Variants in ZNF570 observed in about 807,000 individuals in gnomAD.
ZNF570 encodes zinc finger protein 570.
A neutral mutation model predicts 14.2 loss-of-function variants in ZNF570; 8 were observed. The ratio of observed to expected loss-of-function variants is 0.56; its 90% CI spans 0.33 to 1.02. The LOEUF is 1.02. Among genes scored for constraint, ZNF570 ranks in the 50% least tolerant of loss-of-function variants. The probability of loss-of-function intolerance (pLI) is 0.03; values close to 1 mark genes in which losing one functional copy is unlikely to be tolerated. For synonymous variants in ZNF570, 202 were observed against 207.6 expected (o/e 0.97, Z 0.23); for missense variants, 559 against 624.9 (o/e 0.89, Z 1.12).
intron 2 of ZNF570, among the ~76,000 whole-genome samples, chr19:37,475,061 T>A (rs1465350399): frequency 6.6e-6 from 1 of 151,846 alleles, no homozygotes; most frequent in Non-Finnish European, 1.5e-5. Flanking sequence ...CCTCCTGGGT[T>A]CAAGCGATTC....
At chr19:37,472,385 A>G (rs1019071743) in intron 2 of ZNF570, among the ~76,000 whole-genome samples, 10 of 146,420 alleles carry the variant, frequency 6.8e-5, no homozygotes, top group African/African-American at 2.5e-4. Flanking sequence ...GTCATTATTT[A>G]TAGGCGGGGG....
chr19:37,476,053 T>G, intron 3 of ZNF570, 46 bp downstream of exon 3: 1 of 1,564,580 alleles, frequency 6.4e-7, no homozygotes, highest in Non-Finnish European at 8.6e-7. Flanking sequence ...CAAAAGGGGC[T>G]CTTTGCTACC....
At position 37,484,517 on chromosome 19, in the gene ZNF570, G is replaced by C. The variant is rs776469961; in HGVS notation, c.895G>C (p.Glu299Gln). Residue 299 changes from glutamate (E) to glutamine (Q), a missense_variant, in exon 5 of 5, where the codon GAA (glutamate) becomes CAA (glutamine). Coordinates refer to ENST00000330173, the MANE Select transcript of ZNF570 (RefSeq NM_144694.5). Reference sequence around the variant, plus strand: ...TCAACATCTGCGAGTTCATACTGGAGAAAAACCTTACGAATGTAAGGTATG... The same window carrying C: ...TCAACATCTGCGAGTTCATACTGGACAAAAACCTTACGAATGTAAGGTATG... ...LVQHLRVHTG[E>Q]KPYECKVCRK... The C allele has an allele frequency of 1.2e-5, 20 of 1,613,918 alleles. No homozygotes were observed. In the South Asian group the frequency reaches 1.8e-4, roughly 14 times the overall value.
chr19:37,472,723 C>G (rs112802141), intron 2 of ZNF570, among the ~76,000 whole-genome samples: 992 of 83,026 alleles, frequency 0.012, 11 homozygotes, highest in African/African-American at 0.046. Context: ...GCCTGGGCAA[C>G]AAGAGTGAAA....
In ZNF570 at chr19:37,484,176, A is replaced by G; in HGVS notation, c.554A>G (p.Lys185Arg). 1.2e-6 allele frequency: 2 copies of G among 1,613,936 alleles called. No homozygotes were observed. Among genetic ancestry groups the G allele is most frequent in the Non-Finnish European group, 1.7e-6 (2 of 1,179,994 alleles). Residue 185 changes from lysine to arginine, a missense_variant, in exon 5 of 5, where the codon AAA becomes AGA. Transcript: ENST00000330173. ...PLLCTQKIIP[K>R]EEKVHKHDTQ... ...CTTTGTACACAAAAGATAATCCCCA[A>G]AGAGGAGAAAGTACATAAACATGAC...
intron 4 of ZNF570, among the ~76,000 whole-genome samples, chr19:37,478,712 A>G (rs902578535): frequency 1.3e-5 from 2 of 151,234 alleles, no homozygotes; most frequent in East Asian, 1.9e-4. Flanking sequence ...CTAGAGTTTC[A>G]TTGTGGAAAG....
At chr19:37,472,108 T>C (rs1301053036) in intron 2 of ZNF570, among the ~76,000 whole-genome samples, 1 of 152,044 alleles carries the variant, frequency 6.6e-6, no homozygotes, top group Non-Finnish European at 1.5e-5. Flanking sequence ...GGTTTCACCA[T>C]GTTGGCCAGG....
chr19:37,476,633 C>T, intron 4 of ZNF570, 199 bp downstream of exon 4: 1 of 664,920 alleles, frequency 1.5e-6, no homozygotes, highest in Non-Finnish European at 2.1e-6. Flanking sequence ...TATCTCCTTT[C>T]TAACAAGTCC....
chr19:37,468,642 A>G (rs187595746), upstream of ZNF570, among the ~76,000 whole-genome samples: 1,014 of 152,186 alleles, frequency 6.7e-3, 14 homozygotes, highest in African/African-American at 0.023. Flanking sequence ...AGTAGCTGGG[A>G]CTTAAGGCGC....
In ZNF570 at chr19:37,485,047, T is replaced by G. The variant is rs779622532; in HGVS notation, c.1425T>G (p.Cys475Trp). The G allele has an allele frequency of 1.5e-5, 25 of 1,614,088 alleles. No homozygotes were observed. Among genetic ancestry groups the G allele is most frequent in the Admixed American group, 3.3e-5 (2 of 60,004 alleles). The change falls in exon 5 of 5, where the codon TGT becomes TGG. Residue 475 changes from cysteine to tryptophan, a missense_variant. Physicochemically the swap from Cys to Trp is radical, Grantham distance 215. Coordinates refer to ENST00000330173, the MANE Select transcript of ZNF570 (RefSeq NM_144694.5). The stretch of plus-strand genomic sequence containing the variant: ...AGAAACCTTATGAATGTACTGTTTG[T>G]GGAAAGGCTTTTAGTTACTGTGGAT... ...TGEKPYECTVCGKAFSYCGSL... is the reference protein window; with the variant it reads ...TGEKPYECTVWGKAFSYCGSL...
chr19:37,484,730 C>T lies in ZNF570; in HGVS notation c.1108C>T (p.Arg370Cys), dbSNP rs544061459. The stretch of plus-strand genomic sequence containing the variant: ...TGTCTGTGGGAAAGCATTTAGCCTT[C>T]GTGCATACCTTACTGTACATCAGAG... Reference protein sequence around the residue: ...CNVCGKAFSLRAYLTVHQRIH... With the variant: ...CNVCGKAFSLCAYLTVHQRIH... Residue 370 changes from arginine to cysteine, a missense_variant, in exon 5 of 5, where the codon CGT becomes TGT. Arg to Cys is a radical substitution (Grantham distance 180). Transcript: ENST00000330173. 55 of 1,613,504 alleles carry T rather than the reference C, an allele frequency of 3.4e-5. No homozygotes were observed. In the South Asian group the frequency reaches 4.1e-4, roughly 12 times the overall value.
chr19:37,471,696 A>G (rs990106971), intron 2 of ZNF570, among the ~76,000 whole-genome samples: 8 of 152,338 alleles, frequency 5.3e-5, no homozygotes, highest in African/African-American at 1.9e-4. Flanking sequence ...ATGGAGTGAA[A>G]TGAGCCATTG....
chr19:37,470,445 T>C, intron 2 of ZNF570, 58 bp downstream of exon 2: 2 of 1,550,030 alleles, frequency 1.3e-6, no homozygotes, highest in Non-Finnish European at 1.8e-6. Flanking sequence ...AACAAGCAGG[T>C]ACTAATTTTC....
At chr19:37,480,438 C>T (rs779302460) in intron 4 of ZNF570, among the ~76,000 whole-genome samples, 3 of 152,064 alleles carry the variant, frequency 2.0e-5, no homozygotes, top group Non-Finnish European at 1.5e-5. Flanking sequence ...GAACCAAGAT[C>T]GTGCCACTGC....
At chr19:37,477,552 C>T (rs1414047388) in intron 4 of ZNF570, among the ~76,000 whole-genome samples, 4 of 151,260 alleles carry the variant, frequency 2.6e-5, no homozygotes, top group African/African-American at 4.9e-5. Context: ...ATGTTGGCCA[C>T]GCTGGTCTCC....
At chr19:37,482,488 C>T (rs1178229982) in intron 4 of ZNF570, among the ~76,000 whole-genome samples, 1 of 152,128 alleles carries the variant, frequency 6.6e-6, no homozygotes, top group East Asian at 1.9e-4. Flanking sequence ...CATGAGAATT[C>T]GCTATCATGA....
intron 2 of ZNF570, among the ~76,000 whole-genome samples, chr19:37,471,995 A>C (rs2041971110): frequency 6.6e-6 from 1 of 150,906 alleles, no homozygotes; most frequent in Non-Finnish European, 1.5e-5. Flanking sequence ...ACTCTCTGCA[A>C]CCTATGCCTC....
upstream of ZNF570, chr19:37,468,060 A>G: frequency 2.6e-6 from 2 of 760,052 alleles, no homozygotes; most frequent in Non-Finnish European, 4.2e-6. Context: ...TAACTTCTCT[A>G]TGCCTTTCGT....
chr19:37,470,221 AAG>A (rs141081358), intron 1 of ZNF570, 81 bp from the exon 2 acceptor site: 3 of 1,320,602 alleles, frequency 2.3e-6, no homozygotes, highest in Non-Finnish European at 3.2e-6. Context: ...AAGAGGAGGA[AAG>A]AGAATCCTAA....
Sources: gnomAD v4.1 joint callset for allele counts (sites outside exome capture counted in the v4.1 genomes callset) on GRCh38, gnomAD v4.1.1 for gene constraint, MANE v1.5 for transcripts, NCBI Gene and HGNC (gene_info 2026-07-23, HGNC 2026-07-21) for gene names.